PCDH17: variants seen among roughly 807,000 people sequenced by gnomAD.
The protein encoded by PCDH17 is protocadherin 17, also known as protocadherin-17.
Under a neutral mutation model 67.7 loss-of-function variants are expected in PCDH17, and 21 were observed. That is an observed-to-expected ratio of 0.31 (90% CI 0.22 to 0.45). The LOEUF (loss-of-function observed/expected upper bound fraction) is 0.45, where lower values mean the gene tolerates loss of function less well. PCDH17 is among the 20% of genes least tolerant of loss of function. PCDH17 has a pLI of 1.00. For missense variants in PCDH17, 1,471 were observed against 1,564.8 expected (o/e 0.94, Z 1.01); for synonymous variants, 701 against 656.7 (o/e 1.07, Z -1.03).
chr13:57,644,660 T>A (rs1354051592), intron 1 of PCDH17, among the ~76,000 whole-genome samples: 1 of 151,636 alleles, frequency 6.6e-6, no homozygotes, highest in East Asian at 1.9e-4. Flanking sequence ...TCCTCGTGCA[T>A]TTTTAGGTTT....
In PCDH17 at chr13:57,708,685, T is replaced by C. The variant is rs537874308; in HGVS notation, c.2798-15927T>C. 2.0e-5 allele frequency among the ~76,000 whole-genome samples: 3 copies of C among 152,146 alleles called. No individual in the cohort carries two copies. In the South Asian group the frequency reaches 6.2e-4, roughly 32 times the overall value. On this transcript the variant is annotated intron_variant, in intron 3 of 3. Transcript: ENST00000377918. The stretch of plus-strand genomic sequence containing the variant: ...AAAAAACCATTTGAGCTGCCTGTTA[T>C]TAATTGTTCAACCTGTTTTACCTTG...
At chr13:57,707,963 G>T (rs530576237) in intron 3 of PCDH17, among the ~76,000 whole-genome samples, 4 of 151,902 alleles carry the variant, frequency 2.6e-5, no homozygotes, top group Non-Finnish European at 5.9e-5. Flanking sequence ...TCCAAATAAG[G>T]TCATATTCTG....
At chr13:57,720,086 T>C (rs991936590) in intron 3 of PCDH17, among the ~76,000 whole-genome samples, 5 of 152,050 alleles carry the variant, frequency 3.3e-5, no homozygotes, top group African/African-American at 1.2e-4. Flanking sequence ...TTTCCTCACA[T>C]AGATATAATT....
At chr13:57,692,922 GAATT>G (rs1955572166) in intron 3 of PCDH17, among the ~76,000 whole-genome samples, 1 of 150,862 alleles carries the variant, frequency 6.6e-6, no homozygotes, top group Non-Finnish European at 1.5e-5. Context: ...ACTTGTTTTA[GAATT>G]AAGTTATTGT....
chr13:57,651,360 T>G (rs925207511), intron 1 of PCDH17, among the ~76,000 whole-genome samples: 111 of 146,244 alleles, frequency 7.6e-4, no homozygotes, highest in African/African-American at 2.7e-3. Context: ...ATTGAGGTTT[T>G]TTTTTTTTTT....
At chr13:57,671,337 A>G (rs1234766578) in intron 3 of PCDH17, among the ~76,000 whole-genome samples, 1 of 151,776 alleles carries the variant, frequency 6.6e-6, no homozygotes. Flanking sequence ...TAATGATTTT[A>G]TATTTTGGAA....
intron 3 of PCDH17, among the ~76,000 whole-genome samples, chr13:57,685,851 CAAGGCAGGAGCATCTCCTG>C (rs1395230713): frequency 6.6e-6 from 1 of 151,826 alleles, no homozygotes; most frequent in East Asian, 2.0e-4. Flanking sequence ...TTTGGGAGGC[CAAGGCAGGAGCATCTCCTG>C]AAGGCAGGAG....
At chr13:57,681,825 CTT>C (rs1025317546) in intron 3 of PCDH17, among the ~76,000 whole-genome samples, 1 of 151,714 alleles carries the variant, frequency 6.6e-6, no homozygotes, top group East Asian at 2.0e-4. Flanking sequence ...AATAAGATCA[CTT>C]TTTATTTTTT....
intron 1 of PCDH17, among the ~76,000 whole-genome samples, chr13:57,641,111 G>C (rs1954887247): frequency 6.6e-6 from 1 of 151,824 alleles, no homozygotes; most frequent in African/African-American, 2.4e-5. Context: ...TGTGACTTCT[G>C]CAACCCACCT....
chr13:57,698,850 G>T (rs1324833974), intron 3 of PCDH17, among the ~76,000 whole-genome samples: 2 of 151,824 alleles, frequency 1.3e-5, no homozygotes, highest in Non-Finnish European at 2.9e-5. Context: ...TTAAAAAATG[G>T]ATAGTGATCT....
intron 3 of PCDH17, among the ~76,000 whole-genome samples, chr13:57,682,183 C>G (rs1256309618): frequency 1.3e-5 from 2 of 151,720 alleles, no homozygotes; most frequent in Non-Finnish European, 2.9e-5. Flanking sequence ...TACAATTTAC[C>G]TAGTCACTCC....
At chr13:57,718,529 T>C (rs1441468348) in intron 3 of PCDH17, among the ~76,000 whole-genome samples, 1 of 151,998 alleles carries the variant, frequency 6.6e-6, no homozygotes, top group African/African-American at 2.4e-5. Context: ...GTACCATTTA[T>C]ATGGAATGAC....
intron 3 of PCDH17, among the ~76,000 whole-genome samples, chr13:57,693,627 A>G (rs1375338843): frequency 6.6e-6 from 1 of 150,676 alleles, no homozygotes; most frequent in African/African-American, 2.4e-5. Flanking sequence ...GAAGGACACA[A>G]TAATTTAAAA....
intron 1 of PCDH17, among the ~76,000 whole-genome samples, chr13:57,637,220 G>A (rs760203517): frequency 2.0e-5 from 3 of 151,994 alleles, no homozygotes; most frequent in Non-Finnish European, 4.4e-5. Context: ...TTTGTTTTAA[G>A]TCCTTGAAAT....
At chr13:57,639,483 G>A (rs766519308) in intron 1 of PCDH17, among the ~76,000 whole-genome samples, 2 of 151,718 alleles carry the variant, frequency 1.3e-5, no homozygotes, top group Non-Finnish European at 3.0e-5. Context: ...AACACAGAAA[G>A]TATAAAGCTA....
At chr13:57,701,662 A>G (rs1955663893) in intron 3 of PCDH17, among the ~76,000 whole-genome samples, 1 of 152,122 alleles carries the variant, frequency 6.6e-6, no homozygotes, top group South Asian at 2.1e-4. Context: ...GGTTTTATGT[A>G]TCCTGAACAT....
intron 3 of PCDH17, among the ~76,000 whole-genome samples, chr13:57,674,434 C>T (rs953494706): frequency 6.6e-6 from 1 of 151,846 alleles, no homozygotes; most frequent in African/African-American, 2.4e-5. Flanking sequence ...TCAAGTGATC[C>T]TCCTACCTCA....
In PCDH17 at chr13:57,637,697, A is replaced by T. The variant is rs1157290233; in HGVS notation, c.2565+2586A>T. Among the ~76,000 whole-genome samples, 2 of 152,034 alleles carry T rather than the reference A, an allele frequency of 1.3e-5. 1 individual carries two copies. Among genetic ancestry groups the T allele is most frequent in the African/African-American group, 4.8e-5 (2 of 41,424 alleles). ...TAGCATCTGTGTTCTGTTTGGAAGT[A>T]CAGAGTATTCTATTGATGGAATGAA... On this transcript the variant is annotated intron_variant, in intron 1 of 3. Coordinates refer to ENST00000377918, the MANE Select transcript of PCDH17 (RefSeq NM_001040429.3).
At chr13:57,721,056 T>C (rs1955868405) in intron 3 of PCDH17, among the ~76,000 whole-genome samples, 1 of 152,118 alleles carries the variant, frequency 6.6e-6, no homozygotes, top group African/African-American at 2.4e-5. Flanking sequence ...CTGTAAACAC[T>C]GTAGTTTACA....
Sources: gnomAD v4.1 joint callset for allele counts (sites outside exome capture counted in the v4.1 genomes callset) on GRCh38, gnomAD v4.1.1 for gene constraint, MANE v1.5 for transcripts, NCBI Gene and HGNC (gene_info 2026-07-23, HGNC 2026-07-21) for gene names.